Variants in PTGER3 observed in about 807,000 individuals in gnomAD.
PTGER3 encodes prostaglandin E2 receptor EP3 subtype.
PTGER3 carries 22 observed loss-of-function variants against 34.7 expected under a neutral mutation model. That is an observed-to-expected ratio of 0.63 (90% CI 0.45 to 0.91). The LOEUF (loss-of-function observed/expected upper bound fraction) is 0.91, where lower values mean the gene tolerates loss of function less well. Among genes scored for constraint, PTGER3 ranks in the 40% least tolerant of loss-of-function variants. The probability of loss-of-function intolerance (pLI) is 0.00; values close to 1 mark genes in which losing one functional copy is unlikely to be tolerated. For missense variants in PTGER3, 468 were observed against 519.4 expected (o/e 0.90, Z 0.96); for synonymous variants, 241 against 230.1 (o/e 1.05, Z -0.43).
chr1:70,930,442 C>T (rs941030293), intron 4 of PTGER3, among the ~76,000 whole-genome samples: 15 of 152,228 alleles, frequency 9.9e-5, no homozygotes, highest in Non-Finnish European at 2.1e-4. Flanking sequence ...TCTCCTTACA[C>T]TGTACTCATA....
intron 2 of PTGER3, among the ~76,000 whole-genome samples, chr1:70,992,369 A>C (rs922149600): frequency 6.6e-6 from 1 of 152,214 alleles, no homozygotes; most frequent in African/African-American, 2.4e-5. Flanking sequence ...TTTTGGAAGC[A>C]GAGCGATTTC....
At chr1:71,008,903 C>T (rs189557163) in intron 2 of PTGER3, 1 of 975,598 alleles carries the variant, frequency 1.0e-6, no homozygotes, top group Non-Finnish European at 1.2e-6. Context: ...TCATTCAGCT[C>T]CTAGAATCCT....
chr1:70,878,080 G>A (rs1056040638), intron 4 of PTGER3, among the ~76,000 whole-genome samples: 3 of 152,032 alleles, frequency 2.0e-5, no homozygotes, highest in African/African-American at 4.8e-5. Flanking sequence ...GGTAGAATTC[G>A]GCTGTGAATC....
chr1:70,862,103 G>T (rs1645939966), intron 4 of PTGER3, among the ~76,000 whole-genome samples: 1 of 151,874 alleles, frequency 6.6e-6, no homozygotes, highest in African/African-American at 2.4e-5. Flanking sequence ...GGCCAGGGTG[G>T]GCCTGGTAAG....
chr1:70,864,620 G>A (rs1182415543), intron 4 of PTGER3, among the ~76,000 whole-genome samples: 2 of 152,170 alleles, frequency 1.3e-5, no homozygotes, highest in African/African-American at 4.8e-5. Flanking sequence ...CTGGGAACAT[G>A]GAGATGAACA....
At chr1:70,935,693 A>ATATATATATT (rs1491421864) in intron 4 of PTGER3, among the ~76,000 whole-genome samples, 29 of 140,724 alleles carry the variant, frequency 2.1e-4, no homozygotes, top group African/African-American at 6.7e-4. Context: ...ATATATATAT[A>ATATATATATT]TGTTCTGCTT....
intron 4 of PTGER3, among the ~76,000 whole-genome samples, chr1:70,899,913 A>G (rs548338864): frequency 1.3e-5 from 2 of 152,132 alleles, no homozygotes; most frequent in African/African-American, 2.4e-5. Flanking sequence ...AGACTCTTCA[A>G]TACTTCACTA....
intron 1 of PTGER3, among the ~76,000 whole-genome samples, chr1:71,043,255 A>G (rs1660468366): frequency 6.6e-6 from 1 of 152,206 alleles, no homozygotes; most frequent in East Asian, 1.9e-4. Context: ...GATGCCTTAC[A>G]TAAGCAGTAA....
At chr1:70,983,883 A>C (rs918255797) in intron 2 of PTGER3, among the ~76,000 whole-genome samples, 5 of 152,146 alleles carry the variant, frequency 3.3e-5, no homozygotes, top group Admixed American at 1.3e-4. Context: ...AACCATGAGG[A>C]AACAGCCATA....
downstream of PTGER3, among the ~76,000 whole-genome samples, chr1:70,968,339 G>T (rs1185660769): frequency 1.3e-5 from 2 of 152,152 alleles, no homozygotes; most frequent in Non-Finnish European, 2.9e-5. Flanking sequence ...GAACTTTACA[G>T]TAGTTACTAT....
intron 4 of PTGER3, among the ~76,000 whole-genome samples, chr1:70,933,161 T>C (rs1229681736): frequency 6.6e-6 from 1 of 152,214 alleles, no homozygotes; most frequent in African/African-American, 2.4e-5. Flanking sequence ...TATTTAGTAA[T>C]GGCTTAATAA....
intron 2 of PTGER3, among the ~76,000 whole-genome samples, chr1:70,979,808 G>C (rs973559962): frequency 1.1e-4 from 16 of 152,050 alleles, no homozygotes; most frequent in African/African-American, 3.9e-4. Context: ...TCATCTTTTG[G>C]AGTTTTTACA....
intron 1 of PTGER3, among the ~76,000 whole-genome samples, chr1:71,027,958 C>T (rs1157845511): frequency 1.3e-5 from 2 of 152,106 alleles, no homozygotes; most frequent in Admixed American, 1.3e-4. Flanking sequence ...GGCTACTATG[C>T]TACTATGCTG....
At chr1:70,979,183 G>A (rs1654000467) in intron 2 of PTGER3, among the ~76,000 whole-genome samples, 1 of 152,044 alleles carries the variant, frequency 6.6e-6, no homozygotes, top group Admixed American at 6.6e-5. Context: ...CCCTCAGTGA[G>A]TAAACCAGAG....
intron 4 of PTGER3, among the ~76,000 whole-genome samples, chr1:70,869,528 T>G (rs1010966136): frequency 2.0e-5 from 3 of 152,200 alleles, no homozygotes; most frequent in African/African-American, 7.2e-5. Flanking sequence ...CAAAGTTTCA[T>G]CTGGAGATAA....
Position 70,971,240 on chromosome 1 carries a change from A to C in PTGER3, c.*490T>G, listed in dbSNP as rs1452844255. The C allele has an allele frequency of 7.1e-6, 7 of 985,312 alleles. No homozygotes were observed. The highest frequency in any genetic ancestry group is 8.4e-6 in the Non-Finnish European group (7 of 829,994). The allele number at this position is 985,312 out of a possible 1,614,324, so 61.0% of individuals were successfully genotyped here. A position where few individuals can be genotyped will look rare whatever the true frequency, so the allele number is the denominator to read the frequency against. On this transcript the variant is annotated 3_prime_UTR_variant, in exon 4 of 4. Coordinates refer to ENST00000306666, the MANE Select transcript of PTGER3 (RefSeq NM_198719.2). ...TTTGTCACGATTCCCTCCTGCCCTC[A>C]TTTGCTTTTATATGTCGTTAAGTTC...
At chr1:70,977,355 T>C (rs532064551) in intron 2 of PTGER3, among the ~76,000 whole-genome samples, 2 of 152,212 alleles carry the variant, frequency 1.3e-5, no homozygotes, top group South Asian at 2.1e-4. Context: ...GCTGCCTCTG[T>C]GGGCTGAACA....
At chr1:70,968,090 GTTTT>G (rs776605123), downstream of PTGER3, among the ~76,000 whole-genome samples, 1 of 152,144 alleles carries the variant, frequency 6.6e-6, no homozygotes, top group African/African-American at 2.4e-5. Flanking sequence ...GCACAGCTGA[GTTTT>G]TTGTTTATTT....
intron 1 of PTGER3, among the ~76,000 whole-genome samples, chr1:71,020,697 A>AGTGTGTGTGTGTGTGTGT (rs112981971): frequency 4.2e-4 from 61 of 144,888 alleles, no homozygotes; most frequent in Admixed American, 5.6e-4. Flanking sequence ...ATGTTAGCAG[A>AGTGTGTGTGTGTGTGTGT]GTGTGTGTGT....
Sources: gnomAD v4.1 joint callset for allele counts (sites outside exome capture counted in the v4.1 genomes callset) on GRCh38, gnomAD v4.1.1 for gene constraint, MANE v1.5 for transcripts, NCBI Gene and HGNC (gene_info 2026-07-23, HGNC 2026-07-21) for gene names.